CEP89: variants seen among roughly 807,000 people sequenced by gnomAD.
CEP89 encodes the protein centrosomal protein of 89 kDa.
A neutral mutation model predicts 97.6 loss-of-function variants in CEP89; 95 were observed. The ratio of observed to expected loss-of-function variants is 0.97; its 90% CI spans 0.82 to 1.15. CEP89 has a LOEUF of 1.15. Among genes scored for constraint, CEP89 ranks in the 50% most tolerant of loss-of-function variants. The probability of loss-of-function intolerance (pLI) is 0.00; values close to 1 mark genes in which losing one functional copy is unlikely to be tolerated. For synonymous variants in CEP89, 354 were observed against 349.1 expected (o/e 1.01, Z -0.16); for missense variants, 869 against 947.7 (o/e 0.92, Z 1.09).
At chr19:32,908,791 C>CG (rs1568554293) in intron 14 of CEP89, among the ~76,000 whole-genome samples, 2 of 152,062 alleles carry the variant, frequency 1.3e-5, no homozygotes, top group Admixed American at 6.6e-5. Context: ...GCGCTCACAC[C>CG]GGGGGAATGT....
intron 2 of CEP89, 133 bp from the exon 3 acceptor site, chr19:32,960,191 A>G (rs1971137936): frequency 7.2e-6 from 6 of 830,458 alleles, no homozygotes; most frequent in Non-Finnish European, 9.5e-6. Context: ...TGCACCCATC[A>G]TCTACCGCAG....
chr19:32,909,290 A>C (rs1969951551), intron 14 of CEP89, among the ~76,000 whole-genome samples: 1 of 152,224 alleles, frequency 6.6e-6, no homozygotes, highest in Non-Finnish European at 1.5e-5. Flanking sequence ...GGCTTGTGGG[A>C]GACCTGTATC....
At position 32,901,238 on chromosome 19, in the gene CEP89, C is replaced by A. The variant is rs374230640; in HGVS notation, c.1733+7G>T. Reference sequence around the variant, plus strand: ...AAAAGCAACTTAAAGGAAAAAAAGACACAAACCTATTGATTTTCTGTGCTC... The same window carrying A: ...AAAAGCAACTTAAAGGAAAAAAAGAAACAAACCTATTGATTTTCTGTGCTC... On this transcript the variant is annotated splice_region_variant and intron_variant, in intron 15 of 18. Transcript: ENST00000305768. 9.3e-6 allele frequency: 15 copies of A among 1,609,822 alleles called. No homozygotes were observed. The highest frequency in any genetic ancestry group is 1.3e-5 in the Non-Finnish European group (15 of 1,178,890).
chr19:32,917,258 TAAC>T (rs1021888127), intron 13 of CEP89, among the ~76,000 whole-genome samples: 2 of 152,032 alleles, frequency 1.3e-5, no homozygotes, highest in Non-Finnish European at 1.5e-5. Flanking sequence ...CCTCTCCTCT[TAAC>T]AATGCCGGAG....
intron 4 of CEP89, among the ~76,000 whole-genome samples, chr19:32,950,354 T>C (rs989514989): frequency 6.6e-6 from 1 of 151,504 alleles, no homozygotes; most frequent in Non-Finnish European, 1.5e-5. Flanking sequence ...AAGTCGGGAG[T>C]TCAAGACCAG....
chr19:32,889,546 C>T (rs1030509794), intron 16 of CEP89, among the ~76,000 whole-genome samples: 3 of 152,190 alleles, frequency 2.0e-5, no homozygotes, highest in African/African-American at 2.4e-5. Context: ...TATCTGGAGA[C>T]AGTCAGTGGC....
chr19:32,952,259 T>A (rs1970935569), intron 4 of CEP89, among the ~76,000 whole-genome samples: 1 of 151,594 alleles, frequency 6.6e-6, no homozygotes, highest in African/African-American at 2.4e-5. Flanking sequence ...AGCAAGAGGA[T>A]TGCTTAAGCC....
chr19:32,903,580 T>C (rs1969827204), intron 14 of CEP89, among the ~76,000 whole-genome samples: 1 of 152,010 alleles, frequency 6.6e-6, no homozygotes, highest in South Asian at 2.1e-4. Flanking sequence ...TTACACAAAG[T>C]GAACAATATA....
chr19:32,890,227 G>A (rs368133292), intron 16 of CEP89, among the ~76,000 whole-genome samples: 3 of 152,054 alleles, frequency 2.0e-5, no homozygotes, highest in Non-Finnish European at 2.9e-5. Flanking sequence ...GTGAAATCCC[G>A]TCTCTACCTA....
At chr19:32,882,203 T>C (rs1330656736) in intron 17 of CEP89, among the ~76,000 whole-genome samples, 190 bp from the exon 18 acceptor site, 1 of 152,180 alleles carries the variant, frequency 6.6e-6, no homozygotes, top group Non-Finnish European at 1.5e-5. Context: ...GAATTTCAGG[T>C]ACAATAAAAC....
At chr19:32,889,627 G>C (rs1408787768) in intron 16 of CEP89, among the ~76,000 whole-genome samples, 1 of 152,180 alleles carries the variant, frequency 6.6e-6, no homozygotes, top group Non-Finnish European at 1.5e-5. Flanking sequence ...CTGAGGGTCT[G>C]GGAGGATCCT....
intron 15 of CEP89, 63 bp downstream of exon 15, chr19:32,901,182 A>C (rs1969760757): frequency 6.6e-7 from 1 of 1,522,210 alleles, no homozygotes; most frequent in East Asian, 2.3e-5. Flanking sequence ...CACTGTACCC[A>C]GACCATTTGT....
At chr19:32,942,648 C>T (rs1355894905) in intron 5 of CEP89, among the ~76,000 whole-genome samples, 1 of 152,142 alleles carries the variant, frequency 6.6e-6, no homozygotes, top group African/African-American at 2.4e-5. Flanking sequence ...TTAATGTACA[C>T]GCAGTTCACT....
intron 12 of CEP89, among the ~76,000 whole-genome samples, chr19:32,918,884 C>CTTTTT (rs11339528): frequency 6.8e-5 from 8 of 117,642 alleles, no homozygotes; most frequent in East Asian, 2.7e-4. Flanking sequence ...TTTTCTTTTT[C>CTTTTT]TTTTTTTTTT....
intron 6 of CEP89, among the ~76,000 whole-genome samples, chr19:32,939,548 T>C (rs1201025762): frequency 6.6e-6 from 1 of 151,552 alleles, no homozygotes; most frequent in East Asian, 2.0e-4. Flanking sequence ...TGTGGTGGCA[T>C]GCATCTGCGA....
chr19:32,890,145 G>A (rs1459657944), intron 16 of CEP89, among the ~76,000 whole-genome samples: 1 of 152,126 alleles, frequency 6.6e-6, no homozygotes, highest in East Asian at 1.9e-4. Flanking sequence ...GGTGGTTCAC[G>A]CCTGTAATCC....
intron 2 of CEP89, among the ~76,000 whole-genome samples, chr19:32,964,853 CT>C (rs921162581): frequency 1.2e-4 from 19 of 152,190 alleles, no homozygotes; most frequent in African/African-American, 4.3e-4. Context: ...TATTTATTAT[CT>C]TTTTTTCTTT....
chr19:32,954,528 T>C (rs1971005362), intron 3 of CEP89, among the ~76,000 whole-genome samples: 1 of 151,738 alleles, frequency 6.6e-6, no homozygotes, highest in South Asian at 2.1e-4. Flanking sequence ...AGTTTTTGTA[T>C]TTTTTGTAGA....
In CEP89 at chr19:32,902,004, C is replaced by CTGTG. The variant is rs1455977169; in HGVS notation, c.1566-593_1566-592insCACA. On this transcript the variant is annotated intron_variant, in intron 14 of 18. Transcript: ENST00000305768. ...TATGTCTCTGTCTCTCTGTCTCTCT[C>CTGTG]TCTCTCTGTGTGTGTGTGTGTGTGT... is the stretch of plus-strand genomic sequence containing the variant. Among the ~76,000 whole-genome samples the CTGTG allele has an allele frequency of 2.7e-3, 267 of 100,242 alleles. 1 individual carries two copies. Among genetic ancestry groups the CTGTG allele is most frequent in the African/African-American group, 0.01 (191 of 18,652 alleles). The allele number at this position is 100,242 out of a possible 152,430, so 65.8% of individuals were successfully genotyped here.
Sources: allele counts gnomAD v4.1 joint callset (sites outside exome capture counted in the v4.1 genomes callset), GRCh38; gene constraint gnomAD v4.1.1; transcripts MANE v1.5; gene names NCBI Gene and HGNC (gene_info 2026-07-23, HGNC 2026-07-21).